Variants in ADGRV1 observed in about 807,000 individuals in gnomAD.
ADGRV1 encodes adhesion G protein-coupled receptor V1, also known as G-protein coupled receptor 98.
ADGRV1 carries 359 observed loss-of-function variants against 596.2 expected under a neutral mutation model. The observed-to-expected ratio is 0.60, with a 90% confidence interval of 0.55 to 0.66. The LOEUF (loss-of-function observed/expected upper bound fraction) is 0.66. Among genes scored for constraint, ADGRV1 ranks in the 30% least tolerant of loss-of-function variants. The pLI is 0.00. For synonymous variants in ADGRV1, 2,681 were observed against 2,679.2 expected, an observed-to-expected ratio of 1.00 and a Z score of -0.02; for missense variants, 7,274 against 7,575.6, an observed-to-expected ratio of 0.96 and a Z score of 1.48.
rs2149640804 is a variant in ADGRV1 at position 90,694,190 on chromosome 5, C to T, written c.7434C>T (p.Asp2478=). 1.9e-6 allele frequency: 3 copies of T among 1,613,860 alleles called. No homozygotes were observed. The highest frequency in any genetic ancestry group is 2.5e-6 in the Non-Finnish European group (3 of 1,179,846). The stretch of plus-strand genomic sequence containing the variant: ...TCAGCCCAGCTGTCAACAATTCAGA[C>T]TTCTGGACCTACAGGAAAAACATGA... ...SWISPAVNNS[D]FWTYRKNMTR... The change falls in exon 33 of 90, where the codon GAC becomes GAT. Residue 2478 remains aspartate (D), a synonymous_variant. Transcript: ENST00000405460.
intron 1 of ADGRV1, among the ~76,000 whole-genome samples, chr5:90,603,938 C>A (rs897719122): frequency 3.4e-5 from 5 of 146,110 alleles, no homozygotes; most frequent in African/African-American, 1.2e-4. Flanking sequence ...GCACGCTCAC[C>A]ACCTTGTGAA....
At chr5:90,860,182 A>G (rs376869685) in intron 82 of ADGRV1, among the ~76,000 whole-genome samples, 37 of 152,210 alleles carry the variant, frequency 2.4e-4, no homozygotes, top group Middle Eastern at 6.8e-3. Flanking sequence ...AAGTTCAACC[A>G]CCCTGTTTAT....
chr5:90,778,329 G>A, intron 62 of ADGRV1, 98 bp from the exon 63 acceptor site: 2 of 1,056,358 alleles, frequency 1.9e-6, no homozygotes, highest in South Asian at 1.5e-5. Flanking sequence ...ATGAGGAGGA[G>A]ATTAATATTA....
Position 91,000,749 on chromosome 5 carries a change from G to T in ADGRV1, c.18152+15227G>T, listed in dbSNP as rs533800305. On this transcript the variant is annotated intron_variant, in intron 85 of 89. Transcript: ENST00000405460. ...TATAAGGAATGGCTCACACTGTCAT[G>T]GAGGCCAGCTCAAGATCTGTAGGGT... is the stretch of plus-strand genomic sequence containing the variant. Among the ~76,000 whole-genome samples the T allele has an allele frequency of 2.0e-5, 3 of 150,716 alleles. No homozygotes were observed. The East Asian group carries it at 5.9e-4, about 30-fold the overall frequency.
intron 77 of ADGRV1, among the ~76,000 whole-genome samples, chr5:90,829,414 T>C (rs1334465706): frequency 6.6e-6 from 1 of 152,210 alleles, no homozygotes; most frequent in Non-Finnish European, 1.5e-5. Flanking sequence ...TTTGACAAGA[T>C]TGATTATACA....
chr5:90,722,318 A>T (rs112420346), intron 45 of ADGRV1, among the ~76,000 whole-genome samples: 1,806 of 152,254 alleles, frequency 0.012, 14 homozygotes, highest in Middle Eastern at 0.044. Flanking sequence ...ATTCCAAAAA[A>T]GAATAGATGT....
In ADGRV1 at chr5:90,642,515, A is replaced by C. The variant is rs1020814634; in HGVS notation, c.2241-121A>C. ...ACACACGTGAATTCACTTAAGGTCTAATTCCTCATAGCCTTCCTTTTCATT... is the reference window on the plus strand; with the variant it reads ...ACACACGTGAATTCACTTAAGGTCTCATTCCTCATAGCCTTCCTTTTCATT... On this transcript the variant is annotated intron_variant, in intron 11 of 89. Coordinates refer to ENST00000405460, the MANE Select transcript of ADGRV1 (RefSeq NM_032119.4). The C allele has an allele frequency of 1.5e-5, 15 of 1,026,308 alleles. No individual in the cohort carries two copies. In the African/African-American group the frequency reaches 2.4e-4, roughly 17 times the overall value. The allele number at this position is 1,026,308 out of a possible 1,614,324, so 63.6% of individuals were successfully genotyped here. A position where few individuals can be genotyped will look rare whatever the true frequency, so the allele number is the denominator to read the frequency against.
chr5:90,948,486 G>A (rs1237204019), intron 83 of ADGRV1, among the ~76,000 whole-genome samples: 1 of 152,056 alleles, frequency 6.6e-6, no homozygotes, highest in Non-Finnish European at 1.5e-5. Context: ...GTTACCAGTA[G>A]GAATATCTGC....
intron 83 of ADGRV1, among the ~76,000 whole-genome samples, chr5:90,910,017 C>T (rs1772711981): frequency 3.9e-5 from 6 of 152,238 alleles, no homozygotes; most frequent in South Asian, 2.1e-4. Context: ...ATGAACTCCG[C>T]GTCCTGGAGG....
intron 59 of ADGRV1, among the ~76,000 whole-genome samples, chr5:90,765,973 G>A (rs896511985): frequency 5.3e-5 from 8 of 151,616 alleles, no homozygotes; most frequent in South Asian, 2.1e-4. Context: ...GCAGTGGCGC[G>A]ATCTCTGCTC....
At chr5:91,001,983 A>G (rs934100949) in intron 85 of ADGRV1, among the ~76,000 whole-genome samples, 2 of 152,220 alleles carry the variant, frequency 1.3e-5, no homozygotes, top group Non-Finnish European at 2.9e-5. Context: ...ATCAGAACTC[A>G]GAAAATATGA....
chr5:91,131,395 A>G (rs1035720815), intron 87 of ADGRV1, among the ~76,000 whole-genome samples: 6 of 138,086 alleles, frequency 4.3e-5, no homozygotes, highest in East Asian at 2.1e-4. Context: ...GACTGCTTGT[A>G]TGTCTTCTTT....
chr5:90,895,889 G>C (rs1253216707), intron 83 of ADGRV1, among the ~76,000 whole-genome samples: 1 of 152,076 alleles, frequency 6.6e-6, no homozygotes, highest in Non-Finnish European at 1.5e-5. Context: ...TTTGTGAACT[G>C]CTTCTGTTAA....
intron 85 of ADGRV1, among the ~76,000 whole-genome samples, chr5:91,062,693 T>C (rs993116202): frequency 1.3e-5 from 2 of 152,170 alleles, no homozygotes; most frequent in Non-Finnish European, 2.9e-5. Flanking sequence ...TTCAGATTGC[T>C]TCTGAACATT....
intron 83 of ADGRV1, among the ~76,000 whole-genome samples, chr5:90,938,664 A>C (rs772104953): frequency 6.6e-6 from 1 of 152,212 alleles, no homozygotes; most frequent in African/African-American, 2.4e-5. Flanking sequence ...CACTGGATAT[A>C]TGACAGCAGA....
At chr5:91,126,649 G>A (rs575891861) in intron 87 of ADGRV1, among the ~76,000 whole-genome samples, 1 of 152,262 alleles carries the variant, frequency 6.6e-6, no homozygotes, top group East Asian at 1.9e-4. Flanking sequence ...AGTAAGTCAT[G>A]GAGCAAATGT....
At chr5:90,602,512 C>CATA (rs1417611789) in intron 1 of ADGRV1, among the ~76,000 whole-genome samples, 1 of 152,128 alleles carries the variant, frequency 6.6e-6, no homozygotes, top group East Asian at 1.9e-4. Context: ...CCCCAAAACC[C>CATA]ATAACCCCAG....
intron 27 of ADGRV1, 71 bp downstream of exon 27, chr5:90,681,525 T>C: frequency 7.0e-7 from 1 of 1,428,596 alleles, no homozygotes; most frequent in Non-Finnish European, 9.4e-7. Flanking sequence ...GCTATGAAAG[T>C]GTGTTTTATG....
chr5:90,793,078 A>T (rs1760258883), intron 70 of ADGRV1: 1 of 152,216 alleles, frequency 6.6e-6, no homozygotes, highest in African/African-American at 2.4e-5. Context: ...GCATTGAGTG[A>T]AACTGTGTGA....
Sources: gnomAD v4.1 joint callset for allele counts (sites outside exome capture counted in the v4.1 genomes callset) on GRCh38, gnomAD v4.1.1 for gene constraint, MANE v1.5 for transcripts, NCBI Gene and HGNC (gene_info 2026-07-23, HGNC 2026-07-21) for gene names.